Variants in SLC25A26 observed in about 807,000 individuals in gnomAD.
The protein encoded by SLC25A26 is solute carrier family 25 member 26.
SLC25A26 carries 36 observed loss-of-function variants against 37.8 expected under a neutral mutation model. The ratio of observed to expected loss-of-function variants is 0.95; its 90% CI spans 0.73 to 1.26. The LOEUF (loss-of-function observed/expected upper bound fraction) is 1.26. SLC25A26 is among the 50% of genes most tolerant of loss of function. The pLI is 0.00. For missense variants in SLC25A26, 390 were observed against 331.1 expected, an observed-to-expected ratio of 1.18 and a Z score of -1.38; for synonymous variants, 129 against 122.5, an observed-to-expected ratio of 1.05 and a Z score of -0.35.
chr3:66,287,552 A>G (rs1429499197), intron 5 of SLC25A26, among the ~76,000 whole-genome samples: 1 of 152,184 alleles, frequency 6.6e-6, no homozygotes, highest in Non-Finnish European at 1.5e-5. Context: ...GATTCATAAT[A>G]TAGTTACTAT....
chr3:66,350,721 C>T (rs1033344082), intron 6 of SLC25A26, among the ~76,000 whole-genome samples: 4 of 151,756 alleles, frequency 2.6e-5, no homozygotes, highest in Non-Finnish European at 5.9e-5. Flanking sequence ...TGTGAGCGCG[C>T]GCGTGCGCGC....
In SLC25A26 at chr3:66,369,049, AC is replaced by A. The variant is rs1559746446; in HGVS notation, c.569-428del. Among the ~76,000 whole-genome samples the A allele has an allele frequency of 4.1e-3, 97 of 23,458 alleles. 9 individuals carry two copies. The highest frequency in any genetic ancestry group is 0.014 in the African/African-American group (67 of 4,762). The allele number at this position is 23,458 out of a possible 152,430, so 15.4% of individuals were successfully genotyped here. ...TCAAAAAAAAAAAAAAAAAACAAAA[AC>A]AAAAAAAAAAAACAAAAGACAGTGG... On this transcript the variant is annotated intron_variant, in intron 7 of 9. Coordinates refer to ENST00000354883, the MANE Select transcript of SLC25A26 (RefSeq NM_001379210.1).
At chr3:66,150,603 GATATATATATATATATATATATAT>G (rs1169750069) in intron 1 of SLC25A26, among the ~76,000 whole-genome samples, 2,059 of 26,126 alleles carry the variant, frequency 0.079, 73 homozygotes, top group African/African-American at 0.088. Context: ...TATGTAATGA[GATATATATATATATATATATATAT>G]ATATATATAT....
chr3:66,264,312 A>G (rs550444446), intron 5 of SLC25A26, among the ~76,000 whole-genome samples: 1 of 152,178 alleles, frequency 6.6e-6, no homozygotes, highest in Non-Finnish European at 1.5e-5. Flanking sequence ...AGGGTAAGAT[A>G]TCAAGTTTAT....
intron 6 of SLC25A26, among the ~76,000 whole-genome samples, chr3:66,353,832 G>A (rs974729727): frequency 1.3e-5 from 2 of 152,188 alleles, no homozygotes; most frequent in African/African-American, 2.4e-5. Context: ...TTTTCCACGT[G>A]CTTGTGTTTA....
intron 5 of SLC25A26, among the ~76,000 whole-genome samples, chr3:66,304,831 G>A (rs2075171924): frequency 6.6e-6 from 1 of 152,108 alleles, no homozygotes; most frequent in Non-Finnish European, 1.5e-5. Context: ...GATAAAAATT[G>A]ATACATTAGT....
intron 1 of SLC25A26, among the ~76,000 whole-genome samples, chr3:66,134,886 A>C (rs1471231473): frequency 6.6e-6 from 1 of 151,728 alleles, no homozygotes; most frequent in Non-Finnish European, 1.5e-5. Context: ...GCTGTAGTGC[A>C]ATGGCGTGAT....
chr3:66,310,174 T>G (rs200487249), intron 5 of SLC25A26, among the ~76,000 whole-genome samples: 2 of 152,258 alleles, frequency 1.3e-5, no homozygotes, highest in East Asian at 1.9e-4. Flanking sequence ...TTTATGAATC[T>G]GAGTGCTCCT....
chr3:66,238,386 T>G (rs188438006), intron 2 of SLC25A26, among the ~76,000 whole-genome samples: 1 of 152,208 alleles, frequency 6.6e-6, no homozygotes, highest in East Asian at 1.9e-4. Flanking sequence ...ATTATTATTA[T>G]TATTATTTTT....
chr3:66,208,706 A>C (rs2071215519), intron 1 of SLC25A26, among the ~76,000 whole-genome samples: 1 of 140,990 alleles, frequency 7.1e-6, no homozygotes, highest in Non-Finnish European at 1.5e-5. Context: ...ATATATATAC[A>C]CATTTATATG....
chr3:66,279,011 G>A (rs2074249335), intron 5 of SLC25A26, among the ~76,000 whole-genome samples: 1 of 151,852 alleles, frequency 6.6e-6, no homozygotes, highest in Admixed American at 6.6e-5. Flanking sequence ...TTTGTGTGTG[G>A]GACTTACACC....
At chr3:66,266,965 G>A (rs1432367403) in intron 5 of SLC25A26, among the ~76,000 whole-genome samples, 1 of 152,178 alleles carries the variant, frequency 6.6e-6, no homozygotes, top group Non-Finnish European at 1.5e-5. Context: ...AAAGAAGTGG[G>A]AATTAGTTAA....
At chr3:66,287,339 C>G (rs1001113708) in intron 5 of SLC25A26, among the ~76,000 whole-genome samples, 1 of 150,930 alleles carries the variant, frequency 6.6e-6, no homozygotes, top group Non-Finnish European at 1.5e-5. Context: ...TGTCTTTTCT[C>G]TCCTAAAACA....
chr3:66,263,492 C>A (rs1327754885), intron 5 of SLC25A26, 113 bp downstream of exon 5: 7 of 707,228 alleles, frequency 9.9e-6, no homozygotes, highest in Admixed American at 8.2e-5. Flanking sequence ...TTTAAAAAAT[C>A]AAAAAGGGAA....
intron 6 of SLC25A26, among the ~76,000 whole-genome samples, chr3:66,362,113 T>C (rs929040474): frequency 6.6e-6 from 1 of 152,212 alleles, no homozygotes. Context: ...GTACAATCGC[T>C]TTGGAAAACA....
intron 2 of SLC25A26, 75 bp downstream of exon 2, chr3:66,236,775 C>T (rs373226606): frequency 8.9e-7 from 1 of 1,119,682 alleles, no homozygotes; most frequent in East Asian, 2.8e-5. Flanking sequence ...GTCTTACCCC[C>T]ATAGAATTCC....
chr3:66,253,976 T>C (rs1428241043), intron 3 of SLC25A26, among the ~76,000 whole-genome samples: 2 of 152,224 alleles, frequency 1.3e-5, no homozygotes, highest in African/African-American at 4.8e-5. Flanking sequence ...GATAGAGTTA[T>C]TTTCTTTGAG....
chr3:66,253,815 T>G (rs2073191475), intron 3 of SLC25A26, among the ~76,000 whole-genome samples: 1 of 152,206 alleles, frequency 6.6e-6, no homozygotes, highest in Non-Finnish European at 1.5e-5. Context: ...TGGGAATCTA[T>G]AAATCCATCC....
intron 5 of SLC25A26, among the ~76,000 whole-genome samples, chr3:66,331,525 A>G (rs1017284694): frequency 4.6e-5 from 7 of 152,298 alleles, no homozygotes; most frequent in Non-Finnish European, 8.8e-5. Flanking sequence ...TAAACAGAAT[A>G]TAGATAGGTC....
Sources: allele counts gnomAD v4.1 joint callset (sites outside exome capture counted in the v4.1 genomes callset), GRCh38; gene constraint gnomAD v4.1.1; transcripts MANE v1.5; gene names NCBI Gene and HGNC (gene_info 2026-07-23, HGNC 2026-07-21).